Variants in THSD4 observed in about 807,000 individuals in gnomAD.
THSD4 encodes the protein thrombospondin type-1 domain-containing protein 4.
In THSD4, 69 loss-of-function variants were observed where a neutral mutation model predicts 119.0. That is an observed-to-expected ratio of 0.58 (90% confidence interval 0.48 to 0.71). THSD4 has a LOEUF of 0.71. Among genes scored for constraint, THSD4 ranks in the 30% least tolerant of loss-of-function variants. The probability of loss-of-function intolerance (pLI) is 0.00; values close to 1 mark genes in which losing one functional copy is unlikely to be tolerated. For missense variants in THSD4, 1,393 were observed against 1,391.1 expected (o/e 1.00, Z -0.02); for synonymous variants, 524 against 540.4 (o/e 0.97, Z 0.42).
intron 8 of THSD4, among the ~76,000 whole-genome samples, chr15:71,690,324 C>A (rs929737167): frequency 6.6e-6 from 1 of 152,158 alleles, no homozygotes; most frequent in African/African-American, 2.4e-5. Context: ...ATCTGGGGTC[C>A]TTGTGGCATG....
At chr15:71,187,612 T>G (rs1040537815) in intron 3 of THSD4, 1 of 152,676 alleles carries the variant, frequency 6.5e-6, no homozygotes, top group Admixed American at 6.5e-5. Flanking sequence ...TAGAGACAGA[T>G]GCGTAGCTGA....
chr15:71,380,992 G>A (rs1304008772), intron 6 of THSD4, among the ~76,000 whole-genome samples: 1 of 152,156 alleles, frequency 6.6e-6, no homozygotes, highest in Non-Finnish European at 1.5e-5. Context: ...GGCCCATCAG[G>A]TAGTGGAAAT....
At chr15:71,457,399 A>C (rs1169551231) in intron 7 of THSD4, among the ~76,000 whole-genome samples, 1 of 151,632 alleles carries the variant, frequency 6.6e-6, no homozygotes, top group African/African-American at 2.4e-5. Context: ...AAAAAAAAAA[A>C]AAAGCCAAGA....
chr15:71,184,028 T>C (rs2043568749), intron 3 of THSD4: 1 of 151,846 alleles, frequency 6.6e-6, no homozygotes, highest in Non-Finnish European at 1.5e-5. Flanking sequence ...CATTCTAAGG[T>C]GGCTGCTGGT....
rs374099396 is a variant in THSD4, at chr15:71,242,897, C to A, written c.713C>A (p.Ala238Glu). The change falls in exon 5 of 18, where the codon GCG becomes GAG. Residue 238 changes from alanine (A) to glutamate (E), a missense_variant. Coordinates refer to ENST00000261862, the MANE Select transcript of THSD4 (RefSeq NM_024817.3). ...DSGPRSGLQA[A>E]EAPIYQLPLT... ...GGCCCTCGCTCTGGACTGCAGGCTG[C>A]GGAGGCCCCCATCTACCAGCTACCT... 9 of 1,614,190 alleles carry A rather than the reference C, an allele frequency of 5.6e-6. No homozygotes were observed. In the Admixed American group the frequency reaches 6.7e-5, roughly 12 times the overall value.
At chr15:71,622,076 A>G (rs1022427403) in intron 7 of THSD4, among the ~76,000 whole-genome samples, 9 of 152,192 alleles carry the variant, frequency 5.9e-5, no homozygotes, top group African/African-American at 2.2e-4. Flanking sequence ...TTAGAAAGCA[A>G]TTCCCGATGC....
In THSD4 at chr15:71,326,552, C is replaced by G. The variant is rs567780152; in HGVS notation, c.1015+69837C>G. On this transcript the variant is annotated intron_variant, in intron 6 of 17. Transcript: ENST00000261862. ...ATCAGCCAGGTGTGGTGGCACACACCTATAATCCCAGCTACTCAGGATGAG... is the reference window on the plus strand; with the variant it reads ...ATCAGCCAGGTGTGGTGGCACACACGTATAATCCCAGCTACTCAGGATGAG... Among the ~76,000 whole-genome samples the G allele has an allele frequency of 2.0e-5, 3 of 148,096 alleles. No individual in the cohort carries two copies. The South Asian group carries it at 6.6e-4, about 33-fold the overall frequency.
chr15:71,531,968 C>A (rs1407303650), intron 7 of THSD4, among the ~76,000 whole-genome samples: 1 of 152,196 alleles, frequency 6.6e-6, no homozygotes, highest in African/African-American at 2.4e-5. Context: ...TAACCCCAGT[C>A]TTAAGCTTTT....
At chr15:71,432,712 A>AT (rs1214238185) in intron 7 of THSD4, among the ~76,000 whole-genome samples, 2 of 152,058 alleles carry the variant, frequency 1.3e-5, no homozygotes, top group Non-Finnish European at 2.9e-5. Context: ...ATATGATACA[A>AT]TTTTTATAAA....
intron 10 of THSD4, among the ~76,000 whole-genome samples, chr15:71,736,285 C>T (rs1257883620): frequency 2.6e-5 from 4 of 151,400 alleles, no homozygotes; most frequent in African/African-American, 9.7e-5. Flanking sequence ...CTCTGTCTCT[C>T]TCGCTCTCTG....
chr15:71,426,843 C>T (rs976694160), intron 7 of THSD4, among the ~76,000 whole-genome samples: 1 of 152,158 alleles, frequency 6.6e-6, no homozygotes, highest in Non-Finnish European at 1.5e-5. Context: ...TTATATGTAT[C>T]TGTATCCTCA....
intron 3 of THSD4, chr15:71,186,108 T>G (rs1378357106): frequency 6.6e-6 from 1 of 152,192 alleles, no homozygotes; most frequent in African/African-American, 2.4e-5. Context: ...AAGACAACAT[T>G]TCTAAGCTGA....
chr15:71,364,100 C>T (rs117134367), intron 6 of THSD4, among the ~76,000 whole-genome samples: 1 of 152,156 alleles, frequency 6.6e-6, no homozygotes. Context: ...AAAAGAGACG[C>T]CTTCACCAGA....
chr15:71,121,797 G>A (rs550541487), intron 1 of THSD4, among the ~76,000 whole-genome samples: 56 of 152,218 alleles, frequency 3.7e-4, no homozygotes, highest in Middle Eastern at 3.4e-3. Context: ...ATCAGGAGCC[G>A]TGGAGGCCGT....
chr15:71,589,230 T>TTATGATCTGTGCAGC (rs1199518685), intron 7 of THSD4, among the ~76,000 whole-genome samples: 3,257 of 142,168 alleles, frequency 0.023, 250 homozygotes, highest in Non-Finnish European at 0.028. Flanking sequence ...TTGAATATAT[T>TTATGATCTGTGCAGC]AAAGGACATA....
chr15:71,152,320 G>T (rs1297122484), intron 2 of THSD4, among the ~76,000 whole-genome samples: 2 of 151,876 alleles, frequency 1.3e-5, no homozygotes, highest in African/African-American at 4.8e-5. Context: ...TACTGGGGAG[G>T]CTGAGGCAAG....
chr15:71,644,574 C>T (rs961664381), intron 7 of THSD4, among the ~76,000 whole-genome samples: 10 of 152,150 alleles, frequency 6.6e-5, no homozygotes, highest in African/African-American at 2.4e-4. Context: ...ATACTCTATG[C>T]CACCTTTGTA....
intron 8 of THSD4, among the ~76,000 whole-genome samples, chr15:71,704,635 T>C (rs532914233): frequency 6.6e-6 from 1 of 152,350 alleles, no homozygotes; most frequent in East Asian, 1.9e-4. Flanking sequence ...TACAACCCTG[T>C]ATTATATAAT....
At chr15:71,620,301 A>G (rs972775155) in intron 7 of THSD4, among the ~76,000 whole-genome samples, 1 of 152,192 alleles carries the variant, frequency 6.6e-6, no homozygotes, top group Non-Finnish European at 1.5e-5. Flanking sequence ...ATTTAAAAAC[A>G]TAGTTGTCTG....
Sources: allele counts gnomAD v4.1 joint callset (sites outside exome capture counted in the v4.1 genomes callset), GRCh38; gene constraint gnomAD v4.1.1; transcripts MANE v1.5; gene names NCBI Gene and HGNC (gene_info 2026-07-23, HGNC 2026-07-21).